Variants in MGAM2 observed in about 807,000 individuals in gnomAD.
The protein encoded by MGAM2 is maltase-glucoamylase 2 (putative), also known as probable maltase-glucoamylase 2.
In MGAM2, 98 loss-of-function variants were observed where a neutral mutation model predicts 96.1. The ratio of observed to expected loss-of-function variants is 1.02; its 90% confidence interval spans 0.87 to 1.21. The LOEUF (loss-of-function observed/expected upper bound fraction) is 1.21. Ranked by LOEUF, MGAM2 falls within the 50% of genes most tolerant of loss-of-function variation. The probability of loss-of-function intolerance (pLI) is 0.00; values close to 1 mark genes in which losing one functional copy is unlikely to be tolerated. For missense variants in MGAM2, 2,055 were observed against 1,182.4 expected (o/e 1.74, Z -10.82); for synonymous variants, 749 against 414.8 (o/e 1.81, Z -9.79).
chr7:142,162,078 T>C (rs1370051878), intron 23 of MGAM2, 74 bp downstream of exon 23: 2 of 621,146 alleles, frequency 3.2e-6, no homozygotes, highest in Non-Finnish European at 5.7e-6. Context: ...TAGTTTAATA[T>C]AGACACATGG....
chr7:142,172,256 C>T (rs1796219238), intron 29 of MGAM2, 62 bp downstream of exon 29: 1 of 656,008 alleles, frequency 1.5e-6, no homozygotes, highest in South Asian at 1.6e-5. Context: ...CTATTTTGAC[C>T]TGGTATCAAT....
intron 6 of MGAM2, among the ~76,000 whole-genome samples, chr7:142,132,848 A>G (rs1341186471): frequency 3.1e-5 from 4 of 128,772 alleles, no homozygotes. Context: ...TTATATAAAT[A>G]TATAGATATT....
chr7:142,132,643 T>A (rs1362240954), intron 6 of MGAM2, among the ~76,000 whole-genome samples: 1 of 127,472 alleles, frequency 7.8e-6, no homozygotes, highest in African/African-American at 3.1e-5. Context: ...AAATGAAGAA[T>A]ATAGTTATAA....
chr7:142,147,853 CT>C (rs1795435337), intron 15 of MGAM2, among the ~76,000 whole-genome samples: 1 of 152,124 alleles, frequency 6.6e-6, no homozygotes, highest in African/African-American at 2.4e-5. Flanking sequence ...GAAGTCAGCT[CT>C]TGCTTGGATC....
intron 32 of MGAM2, among the ~76,000 whole-genome samples, chr7:142,177,216 G>A (rs1585190798): frequency 6.6e-6 from 1 of 152,172 alleles, no homozygotes; most frequent in Non-Finnish European, 1.5e-5. Context: ...CATGGCAGAA[G>A]GTGAAAGGCA....
intron 46 of MGAM2, among the ~76,000 whole-genome samples, chr7:142,216,764 C>A (rs1425393479): frequency 6.6e-6 from 1 of 152,196 alleles, no homozygotes; most frequent in Non-Finnish European, 1.5e-5. Flanking sequence ...TAGCAAAAGT[C>A]TTGTTCATCC....
At chr7:142,157,846 G>A in intron 17 of MGAM2, 91 bp from the exon 18 acceptor site, 1 of 648,984 alleles carries the variant, frequency 1.5e-6, no homozygotes. Flanking sequence ...GTTGGAGGAA[G>A]TGGCTAGTTT....
intron 32 of MGAM2, among the ~76,000 whole-genome samples, chr7:142,178,444 A>G (rs932271338): frequency 2.0e-5 from 3 of 152,166 alleles, no homozygotes; most frequent in African/African-American, 7.2e-5. Flanking sequence ...GCCAATGTCA[A>G]GAACATTTCC....
intron 47 of MGAM2, 23 bp downstream of exon 47, chr7:142,218,554 C>A: frequency 1.7e-6 from 1 of 586,880 alleles, no homozygotes; most frequent in Non-Finnish European, 3.1e-6. Context: ...GGAATATTAG[C>A]ATATCACAAG....
In MGAM2 at chr7:142,186,128, G is replaced by T. The variant is rs1457786884; in HGVS notation, c.4122+5G>T. The T allele has an allele frequency of 1.3e-5, 9 of 695,608 alleles. No homozygotes were observed. Among genetic ancestry groups the T allele is most frequent in the Non-Finnish European group, 2.4e-5 (9 of 382,460 alleles). 43.1% of individuals were successfully genotyped at this position (695,608 alleles called of 1,614,324 possible). On this transcript the variant is annotated splice_donor_5th_base_variant and intron_variant, in intron 35 of 47. Coordinates refer to ENST00000477922, the MANE Select transcript of MGAM2 (RefSeq NM_001293626.2). ...AAGTTTGATGGATTGTGGATTGTAAGTGCACCCTTGGTTGTCTTTTTTTTT... is the reference window on the plus strand; with the variant it reads ...AAGTTTGATGGATTGTGGATTGTAATTGCACCCTTGGTTGTCTTTTTTTTT...
chr7:142,151,602 C>A lies in MGAM2; in HGVS notation c.1635-2416C>A, dbSNP rs555747294. Among the ~76,000 whole-genome samples the A allele has an allele frequency of 1.9e-4, 29 of 152,096 alleles. 1 individual carries two copies. The highest frequency in any genetic ancestry group is 4.1e-4 in the Non-Finnish European group (28 of 68,008). Reference sequence around the variant, plus strand: ...CTATCTAAGAATGAGAAATGGGAAACAGAGTGAGTAGTCAGGGTAAGAAAG... The same window carrying A: ...CTATCTAAGAATGAGAAATGGGAAAAAGAGTGAGTAGTCAGGGTAAGAAAG... On this transcript the variant is annotated intron_variant, in intron 15 of 47. Transcript: ENST00000477922.
chr7:142,188,508 C>G (rs1355131820), intron 36 of MGAM2, among the ~76,000 whole-genome samples: 1 of 152,158 alleles, frequency 6.6e-6, no homozygotes, highest in Non-Finnish European at 1.5e-5. Context: ...TACCAGTAAT[C>G]TATGGGACAG....
chr7:142,142,927 T>C (rs1795277254), intron 12 of MGAM2, among the ~76,000 whole-genome samples: 2 of 152,124 alleles, frequency 1.3e-5, no homozygotes, highest in African/African-American at 2.4e-5. Context: ...GGTGACTGTT[T>C]TGTGACACCA....
intron 20 of MGAM2, 23 bp from the exon 21 acceptor site, chr7:142,160,111 C>G: frequency 1.4e-6 from 1 of 697,170 alleles, no homozygotes; most frequent in Non-Finnish European, 2.6e-6. Flanking sequence ...CCTGATCTAT[C>G]TTTTGTTGTT....
At chr7:142,125,592 T>A (rs1171933150) in intron 3 of MGAM2, among the ~76,000 whole-genome samples, 2 of 152,132 alleles carry the variant, frequency 1.3e-5, no homozygotes, top group Non-Finnish European at 2.9e-5. Context: ...CTGAAGACAA[T>A]GAGACAGGAA....
chr7:142,156,841 A>G (rs2129085238), intron 17 of MGAM2, among the ~76,000 whole-genome samples: 1 of 152,336 alleles, frequency 6.6e-6, no homozygotes. Context: ...AAGTCAAAAG[A>G]TGACGTGTAT....
At chr7:142,169,494 G>C (rs1289100573) in intron 26 of MGAM2, among the ~76,000 whole-genome samples, 1 of 152,076 alleles carries the variant, frequency 6.6e-6, no homozygotes, top group Admixed American at 6.5e-5. Flanking sequence ...ATATGACAAA[G>C]AGGATAGTCA....
chr7:142,149,695 C>G (rs967959651), intron 15 of MGAM2, among the ~76,000 whole-genome samples: 4 of 152,148 alleles, frequency 2.6e-5, no homozygotes, highest in Middle Eastern at 3.4e-3. Flanking sequence ...CAGCTGCCAC[C>G]ACGCCCGGCT....
chr7:142,190,235 A>T (rs1342525994), intron 37 of MGAM2, among the ~76,000 whole-genome samples: 1 of 150,904 alleles, frequency 6.6e-6, no homozygotes, highest in African/African-American at 2.4e-5. Flanking sequence ...AAGAAATATC[A>T]AGCTGTTTTC....
Sources: gnomAD v4.1 joint callset for allele counts (sites outside exome capture counted in the v4.1 genomes callset) on GRCh38, gnomAD v4.1.1 for gene constraint, MANE v1.5 for transcripts, NCBI Gene and HGNC (gene_info 2026-07-23, HGNC 2026-07-21) for gene names.